Variants in ADGRV1 observed in about 807,000 individuals in gnomAD.
ADGRV1 encodes G-protein coupled receptor 98.
In ADGRV1, 359 loss-of-function variants were observed where a neutral mutation model predicts 596.2. The observed-to-expected ratio is 0.60, with a 90% CI of 0.55 to 0.66. The LOEUF is 0.66. Among genes scored for constraint, ADGRV1 ranks in the 30% least tolerant of loss-of-function variants. The pLI, the probability that ADGRV1 is intolerant of heterozygous loss-of-function variation, is 0.00. For synonymous variants in ADGRV1, 2,681 were observed against 2,679.2 expected (o/e 1.00, Z -0.02); for missense variants, 7,274 against 7,575.6 (o/e 0.96, Z 1.48).
rs1406030726 is a variant in ADGRV1, at chr5:90,810,251, T to C, written c.14991T>C (p.Ala4997=). The C allele has an allele frequency of 3.8e-6, 6 of 1,571,900 alleles. No individual in the cohort carries two copies. The highest frequency in any genetic ancestry group is 5.2e-6 in the Non-Finnish European group (6 of 1,158,660). Residue 4997 remains alanine (A), a synonymous_variant, in exon 74 of 90, where the codon GCT becomes GCC. Coordinates refer to ENST00000405460, the MANE Select transcript of ADGRV1 (RefSeq NM_032119.4). ...TTCCCAGATCAGGTTTCATTGTTGC[T>C]GAAATTGAACCAATGGGCGTCTTCC... ...GAQLRSGFIV[A]EIEPMGVFQF... is the part of the protein sequence containing the mutation.
intron 73 of ADGRV1, among the ~76,000 whole-genome samples, chr5:90,808,284 G>A (rs1187232767): frequency 6.6e-6 from 1 of 152,110 alleles, no homozygotes; most frequent in East Asian, 1.9e-4. Flanking sequence ...CTCGACCAGA[G>A]CAGCAGAGGG....
intron 85 of ADGRV1, among the ~76,000 whole-genome samples, chr5:91,047,012 A>C (rs892037488): frequency 6.6e-6 from 1 of 152,180 alleles, no homozygotes; most frequent in Non-Finnish European, 1.5e-5. Context: ...AAAGTCAAAA[A>C]ATAATAGATA....
intron 89 of ADGRV1, among the ~76,000 whole-genome samples, chr5:91,159,953 T>C (rs1186289841): frequency 6.6e-6 from 1 of 152,132 alleles, no homozygotes; most frequent in Non-Finnish European, 1.5e-5. Flanking sequence ...TTCCTGAAAA[T>C]GTCAAGCTTG....
chr5:90,706,507 A>G, intron 38 of ADGRV1, 113 bp downstream of exon 38: 1 of 894,586 alleles, frequency 1.1e-6, no homozygotes, highest in Non-Finnish European at 1.7e-6. Flanking sequence ...TTACATATAT[A>G]TACATGTGCC....
chr5:90,689,784 T>G, intron 29 of ADGRV1, 77 bp from the exon 30 acceptor site: 2 of 942,486 alleles, frequency 2.1e-6, no homozygotes, highest in East Asian at 5.2e-5. Context: ...GTTTGTTACC[T>G]GATAGTTTTT....
chr5:91,150,009 C>CA, intron 87 of ADGRV1, 21 bp from the exon 88 acceptor site: 1 of 1,288,700 alleles, frequency 7.8e-7, no homozygotes, highest in East Asian at 3.0e-5. Flanking sequence ...CTTTTCTTTT[C>CA]TTTTTTTTTT....
intron 87 of ADGRV1, among the ~76,000 whole-genome samples, chr5:91,135,006 AC>A (rs1046902203): frequency 6.6e-4 from 101 of 152,092 alleles, no homozygotes; most frequent in African/African-American, 2.0e-3. Flanking sequence ...ACATGGTGAA[AC>A]CCCGTCTCTA....
At chr5:90,897,524 G>GC (rs1271470990) in intron 83 of ADGRV1, among the ~76,000 whole-genome samples, 1 of 126,606 alleles carries the variant, frequency 7.9e-6, no homozygotes, top group Non-Finnish European at 1.5e-5. Flanking sequence ...TTAGCACAGT[G>GC]CTTAGCACTC....
At chr5:90,623,016 C>T (rs537249795) in intron 5 of ADGRV1, among the ~76,000 whole-genome samples, 1 of 152,340 alleles carries the variant, frequency 6.6e-6, no homozygotes, top group South Asian at 2.1e-4. Flanking sequence ...GCTGGGGTTA[C>T]AGGCGTGAGC....
chr5:90,873,126 CT>C (rs551179488), intron 83 of ADGRV1, among the ~76,000 whole-genome samples: 22 of 152,302 alleles, frequency 1.4e-4, no homozygotes, highest in South Asian at 1.0e-3. Context: ...AGAAACTGTT[CT>C]TTTTCATATA....
chr5:90,570,178 TTTC>T (rs556080144), intron 1 of ADGRV1, among the ~76,000 whole-genome samples: 4 of 152,172 alleles, frequency 2.6e-5, no homozygotes, highest in Non-Finnish European at 5.9e-5. Flanking sequence ...AAAGTCTTAA[TTTC>T]TTCTTAATTT....
intron 85 of ADGRV1, among the ~76,000 whole-genome samples, chr5:91,010,536 G>A (rs1562085383): frequency 6.6e-6 from 1 of 152,012 alleles, no homozygotes; most frequent in Non-Finnish European, 1.5e-5. Context: ...GACCAAAAAT[G>A]AAATGAAAGG....
chr5:90,628,972 C>T lies in ADGRV1; in HGVS notation c.1509+140C>T, dbSNP rs1489384859. 5.1e-6 allele frequency: 4 copies of T among 778,616 alleles called. No individual in the cohort carries two copies. The African/African-American group carries it at 5.2e-5, about 10-fold the overall frequency. 48.2% of individuals were successfully genotyped at this position (778,616 alleles called of 1,614,324 possible). On this transcript the variant is annotated intron_variant, in intron 8 of 89. Transcript: ENST00000405460. ...GGCTTTGCAAATGATAGTTTTCTTACTCAGTATTCCTTCTGAAAATAAATA... is the reference window on the plus strand; with the variant it reads ...GGCTTTGCAAATGATAGTTTTCTTATTCAGTATTCCTTCTGAAAATAAATA...
chr5:91,101,069 T>G (rs1562220071), intron 86 of ADGRV1, among the ~76,000 whole-genome samples: 2 of 152,214 alleles, frequency 1.3e-5, no homozygotes, highest in Admixed American at 1.3e-4. Context: ...AAATGGAATC[T>G]GAGAATGATA....
chr5:90,574,389 T>G (rs947496262), intron 1 of ADGRV1, among the ~76,000 whole-genome samples: 1 of 152,162 alleles, frequency 6.6e-6, no homozygotes, highest in African/African-American at 2.4e-5. Context: ...GCTGTATTCT[T>G]AGGTATTTCA....
intron 83 of ADGRV1, among the ~76,000 whole-genome samples, chr5:90,882,771 C>T (rs927576080): frequency 9.2e-5 from 14 of 152,080 alleles, no homozygotes; most frequent in Admixed American, 8.5e-4. Flanking sequence ...CAAAAATACA[C>T]ATTTTTTAAA....
intron 40 of ADGRV1, 35 bp downstream of exon 40, chr5:90,711,094 G>A: frequency 1.3e-6 from 2 of 1,575,344 alleles, no homozygotes; most frequent in African/African-American, 1.4e-5. Flanking sequence ...CCTCTTCTGG[G>A]TTTCATATTA....
chr5:90,788,437 A>G, intron 68 of ADGRV1, 127 bp downstream of exon 68: 1 of 915,986 alleles, frequency 1.1e-6, no homozygotes, highest in Non-Finnish European at 1.6e-6. Context: ...TAATATCATA[A>G]TAATTCTGAA....
chr5:90,686,659 G>A (rs540616520), intron 29 of ADGRV1, among the ~76,000 whole-genome samples: 1,785 of 152,210 alleles, frequency 0.012, 37 homozygotes, highest in African/African-American at 0.041. Flanking sequence ...ATTGTGAATA[G>A]TGCCGCAATA....
Sources: allele counts gnomAD v4.1 joint callset (sites outside exome capture counted in the v4.1 genomes callset), GRCh38; gene constraint gnomAD v4.1.1; transcripts MANE v1.5; gene names NCBI Gene and HGNC (gene_info 2026-07-23, HGNC 2026-07-21).